The following NEK11 variants were observed in gnomAD, a reference collection of about 807,000 sequenced individuals.
NEK11 encodes the protein NIMA related kinase 11.
NEK11 carries 72 observed loss-of-function variants against 80.7 expected under a neutral mutation model. The observed-to-expected ratio is 0.89, with a 90% CI of 0.74 to 1.08. The LOEUF is 1.08. Ranked by LOEUF, NEK11 falls within the 50% of genes least tolerant of loss-of-function variation. The pLI is 0.00. For missense variants in NEK11, 764 were observed against 763.6 expected (o/e 1.00, Z -0.01); for synonymous variants, 251 against 260.7 (o/e 0.96, Z 0.36).
intron 15 of NEK11, among the ~76,000 whole-genome samples, chr3:131,238,486 G>A (rs2095470206): frequency 6.6e-6 from 1 of 152,130 alleles, no homozygotes; most frequent in African/African-American, 2.4e-5. Context: ...AATTAGCCAG[G>A]ACACAAACAA....
At chr3:131,264,355 T>G (rs1043531245) in intron 16 of NEK11, among the ~76,000 whole-genome samples, 2 of 152,234 alleles carry the variant, frequency 1.3e-5, no homozygotes, top group Non-Finnish European at 2.9e-5. Flanking sequence ...GGTCTAACAT[T>G]TAAGTCTTTA....
intron 17 of NEK11, chr3:131,328,938 C>CT (rs2097023800): frequency 6.6e-6 from 1 of 152,244 alleles, no homozygotes; most frequent in African/African-American, 2.4e-5. Context: ...CCTCAGAGGA[C>CT]TCCATGGGCA....
intron 4 of NEK11, 98 bp from the exon 5 acceptor site, chr3:131,109,705 C>A: frequency 8.1e-7 from 1 of 1,235,366 alleles, no homozygotes; most frequent in Non-Finnish European, 1.1e-6. Flanking sequence ...ATGGCACTTT[C>A]TTATAAACAG....
chr3:131,340,407 TAGATAG>T (rs1450883095), intron 17 of NEK11, among the ~76,000 whole-genome samples: 6 of 152,298 alleles, frequency 3.9e-5, no homozygotes, highest in African/African-American at 1.2e-4. Flanking sequence ...GAGCCCTTAT[TAGATAG>T]AGATAAATAA....
chr3:131,241,329 CT>C (rs1294859502), intron 15 of NEK11, among the ~76,000 whole-genome samples: 1 of 152,020 alleles, frequency 6.6e-6, no homozygotes, highest in Admixed American at 6.6e-5. Flanking sequence ...TTGCAGTATT[CT>C]TTAAAACAAA....
intron 14 of NEK11, among the ~76,000 whole-genome samples, chr3:131,193,592 A>T (rs2093885881): frequency 6.6e-6 from 1 of 152,190 alleles, no homozygotes. Flanking sequence ...GCCCTACTTT[A>T]TTTGAATTTC....
intron 3 of NEK11, among the ~76,000 whole-genome samples, chr3:131,078,800 A>T (rs922334934): frequency 6.6e-6 from 1 of 151,964 alleles, no homozygotes; most frequent in Admixed American, 6.5e-5. Flanking sequence ...CTTAAAATAT[A>T]TAACTGTACA....
chr3:131,205,864 T>G (rs1359990297), intron 14 of NEK11, among the ~76,000 whole-genome samples: 1 of 152,226 alleles, frequency 6.6e-6, no homozygotes, highest in Non-Finnish European at 1.5e-5. Context: ...TGGAAGTAAT[T>G]CCTAGCTGTT....
intron 17 of NEK11, among the ~76,000 whole-genome samples, chr3:131,342,707 G>A (rs2097304692): frequency 6.6e-6 from 1 of 151,946 alleles, no homozygotes; most frequent in African/African-American, 2.4e-5. Flanking sequence ...GTACATGATA[G>A]TAAATAATAC....
At chr3:131,097,284 G>T (rs1284830646) in intron 4 of NEK11, among the ~76,000 whole-genome samples, 1 of 151,774 alleles carries the variant, frequency 6.6e-6, no homozygotes, top group Non-Finnish European at 1.5e-5. Flanking sequence ...GCTATTTCTA[G>T]TTCTAGATCC....
At chr3:131,163,231 A>C (rs2091853743) in intron 11 of NEK11, among the ~76,000 whole-genome samples, 1 of 152,226 alleles carries the variant, frequency 6.6e-6, no homozygotes, top group Non-Finnish European at 1.5e-5. Flanking sequence ...GCAATCCTAC[A>C]TTTGGACTTA....
In NEK11 at chr3:131,156,359, A is replaced by C. The variant is rs531718453; in HGVS notation, c.962+1238A>C. Among the ~76,000 whole-genome samples the C allele has an allele frequency of 3.9e-5, 6 of 152,330 alleles. No homozygotes were observed. In the South Asian group the frequency reaches 8.3e-4, roughly 21 times the overall value. ...TACAATTTTCTCATAGTGTTTGTCA[A>C]GGAAAGAGTTGGGTGTGAAAGGTCT... On this transcript the variant is annotated intron_variant, in intron 10 of 17. Coordinates refer to ENST00000383366, the MANE Select transcript of NEK11 (RefSeq NM_024800.5).
intron 7 of NEK11, among the ~76,000 whole-genome samples, chr3:131,149,014 T>C (rs1411401963): frequency 2.0e-5 from 3 of 152,048 alleles, no homozygotes; most frequent in Non-Finnish European, 4.4e-5. Context: ...CTTCTAACTA[T>C]TTTGAAATAT....
At chr3:131,162,337 T>A in intron 10 of NEK11, 71 bp from the exon 11 acceptor site, 1 of 1,562,730 alleles carries the variant, frequency 6.4e-7, no homozygotes, top group South Asian at 1.2e-5. Context: ...GATACTTTTA[T>A]AAAATATTTG....
chr3:131,222,088 C>G (rs1490209726), intron 14 of NEK11, among the ~76,000 whole-genome samples: 2 of 152,036 alleles, frequency 1.3e-5, no homozygotes, highest in African/African-American at 4.8e-5. Context: ...AAAAGTCTAT[C>G]CCTTGTTGTC....
At chr3:131,222,730 AGC>A (rs2095063804) in intron 14 of NEK11, among the ~76,000 whole-genome samples, 1 of 152,252 alleles carries the variant, frequency 6.6e-6, no homozygotes, top group Non-Finnish European at 1.5e-5. Context: ...CCAAACCAGC[AGC>A]ATCAGCATCA....
intron 11 of NEK11, 38 bp downstream of exon 11, chr3:131,162,565 T>C (rs1913898): frequency 0.54 from 870,820 of 1,609,724 alleles, 244,477 homozygotes; most frequent in Middle Eastern, 0.65. Flanking sequence ...TGCTCGGGAC[T>C]ACTTCTCAGG....
At chr3:131,318,569 T>G (rs1238551552) in intron 17 of NEK11, among the ~76,000 whole-genome samples, 1 of 151,992 alleles carries the variant, frequency 6.6e-6, no homozygotes, top group African/African-American at 2.4e-5. Flanking sequence ...TCAACATATA[T>G]CTCTGCAAAT....
At chr3:131,036,245 A>C (rs1466662731) in intron 3 of NEK11, among the ~76,000 whole-genome samples, 1 of 152,260 alleles carries the variant, frequency 6.6e-6, no homozygotes, top group Admixed American at 6.5e-5. Flanking sequence ...AATAAAGTGA[A>C]AAAACCCACA....
Sources: allele counts gnomAD v4.1 joint callset (sites outside exome capture counted in the v4.1 genomes callset), GRCh38; gene constraint gnomAD v4.1.1; transcripts MANE v1.5; gene names NCBI Gene and HGNC (gene_info 2026-07-23, HGNC 2026-07-21).